The following FAM13A variants were observed in gnomAD, a reference collection of about 807,000 sequenced individuals.
FAM13A encodes the protein family with sequence similarity 13 member A.
Under a neutral mutation model 129.6 loss-of-function variants are expected in FAM13A, and 76 were observed. The observed-to-expected ratio is 0.59, with a 90% CI of 0.49 to 0.71. FAM13A has a LOEUF of 0.71. Among genes scored for constraint, FAM13A ranks in the 30% least tolerant of loss-of-function variants. The pLI is 0.00. For missense variants in FAM13A, 1,108 were observed against 1,249.3 expected (o/e 0.89, Z 1.70); for synonymous variants, 443 against 449.9 (o/e 0.98, Z 0.20).
intron 7 of FAM13A, among the ~76,000 whole-genome samples, chr4:88,836,485 C>T (rs1429520374): frequency 6.6e-6 from 1 of 152,116 alleles, no homozygotes; most frequent in African/African-American, 2.4e-5. Flanking sequence ...CTACTTTTTT[C>T]ACTCTGATTC....
In FAM13A at chr4:88,766,217, T is replaced by G. The variant is rs114550732; in HGVS notation, c.1578+1336A>C. 1.7e-3 allele frequency among the ~76,000 whole-genome samples: 253 copies of G among 152,300 alleles called. 2 individuals carry two copies. Among genetic ancestry groups the G allele is most frequent in the African/African-American group, 5.5e-3 (230 of 41,564 alleles). ...GTTAGATAGGAGAAGAGTAGGTGCT[T>G]GCTGTGAGCAGAGGAAGATGGCAGT... On this transcript the variant is annotated intron_variant, in intron 13 of 23. Coordinates refer to ENST00000264344, the MANE Select transcript of FAM13A (RefSeq NM_014883.4).
chr4:88,895,975 GT>G (rs1052294939), intron 6 of FAM13A, among the ~76,000 whole-genome samples: 3 of 148,210 alleles, frequency 2.0e-5, no homozygotes, highest in African/African-American at 7.5e-5. Flanking sequence ...GCACACGTAT[GT>G]TTATTGTGGC....
Position 88,749,781 on chromosome 4 carries a change from T to G in FAM13A, c.2069A>C (p.Lys690Thr), listed in dbSNP as rs780560361. 9 of 1,614,182 alleles carry G rather than the reference T, an allele frequency of 5.6e-6. No homozygotes were observed. The highest frequency in any genetic ancestry group is 7.6e-6 in the Non-Finnish European group (9 of 1,180,002). ...RKFEDRFEEE[K>T]KYRPSHSDKA... ...TGAGGGGACACTTACTCTGTACTTC[T>G]TCTCTTCTTCGAATCTATCTTCAAA... The change falls in exon 16 of 24, where the codon AAG (lysine) becomes ACG (threonine). Residue 690 changes from lysine (K) to threonine (T), a missense_variant. This residue lies in a region of FAM13A where 529 missense variants were observed against 621.2 expected (regional missense o/e 0.85). Transcript: ENST00000264344.
intron 14 of FAM13A, among the ~76,000 whole-genome samples, chr4:88,753,052 T>C (rs1053404605): frequency 2.6e-5 from 4 of 152,212 alleles, no homozygotes; most frequent in Non-Finnish European, 1.5e-5. Context: ...GCTGGTTAGT[T>C]TGACATTTCT....
intron 6 of FAM13A, among the ~76,000 whole-genome samples, chr4:88,881,711 T>G (rs1159641224): frequency 6.6e-6 from 1 of 152,028 alleles, no homozygotes; most frequent in Admixed American, 6.6e-5. Flanking sequence ...GAAGTCTAAC[T>G]TAATGAAACA....
chr4:88,910,767 A>G (rs913219490), intron 5 of FAM13A, among the ~76,000 whole-genome samples: 2 of 151,482 alleles, frequency 1.3e-5, no homozygotes, highest in South Asian at 4.2e-4. Flanking sequence ...CTCCTGCCTC[A>G]GCCTCCTGAG....
chr4:88,999,083 T>A (rs1179074169), intron 3 of FAM13A, among the ~76,000 whole-genome samples: 1 of 152,162 alleles, frequency 6.6e-6, no homozygotes, highest in Non-Finnish European at 1.5e-5. Flanking sequence ...AATTAGTCAA[T>A]ATTTACAGTG....
At chr4:88,945,191 A>G (rs1057329751) in intron 4 of FAM13A, among the ~76,000 whole-genome samples, 3 of 152,182 alleles carry the variant, frequency 2.0e-5, no homozygotes, top group African/African-American at 7.2e-5. Context: ...TCAACTGTAG[A>G]CTGAACTGGA....
At chr4:89,053,630 C>A (rs778244909) in intron 1 of FAM13A, among the ~76,000 whole-genome samples, 1 of 152,072 alleles carries the variant, frequency 6.6e-6, no homozygotes, top group Admixed American at 6.6e-5. Context: ...AGGCCTGGGG[C>A]ATTCTTGAAA....
chr4:88,944,530 G>T (rs1337489510), intron 4 of FAM13A, among the ~76,000 whole-genome samples: 1 of 152,170 alleles, frequency 6.6e-6, no homozygotes, highest in Non-Finnish European at 1.5e-5. Context: ...GCAGGCCCAG[G>T]AACCTCAAGA....
intron 7 of FAM13A, among the ~76,000 whole-genome samples, chr4:88,827,780 A>G (rs1733259513): frequency 6.6e-6 from 1 of 152,186 alleles, no homozygotes; most frequent in Non-Finnish European, 1.5e-5. Context: ...CCACCATAGC[A>G]CACATTCCAC....
At chr4:88,876,335 A>G (rs1396145469) in intron 6 of FAM13A, among the ~76,000 whole-genome samples, 1 of 152,192 alleles carries the variant, frequency 6.6e-6, no homozygotes, top group African/African-American at 2.4e-5. Flanking sequence ...CTTAAAAGCA[A>G]AAAGAAAAAA....
At chr4:88,913,976 C>T (rs1379773713) in intron 5 of FAM13A, among the ~76,000 whole-genome samples, 1 of 151,204 alleles carries the variant, frequency 6.6e-6, no homozygotes, top group East Asian at 1.9e-4. Flanking sequence ...GCACTCCAGC[C>T]TGGATGACAG....
chr4:88,947,985 A>G (rs1039146873), intron 4 of FAM13A, among the ~76,000 whole-genome samples: 1 of 152,160 alleles, frequency 6.6e-6, no homozygotes, highest in Admixed American at 6.5e-5. Flanking sequence ...GGGGCAAGGA[A>G]TGATTAGGGA....
At chr4:88,945,986 GTGTGTATATATATATATATATA>G (rs1160906370) in intron 4 of FAM13A, among the ~76,000 whole-genome samples, 2 of 21,846 alleles carry the variant, frequency 9.2e-5, no homozygotes, top group East Asian at 1.2e-3. Flanking sequence ...GTGTGTGTGT[GTGTGTATATATATATATATATA>G]TATATATATA....
chr4:89,052,012 G>A (rs779762216), intron 1 of FAM13A, among the ~76,000 whole-genome samples: 2 of 152,134 alleles, frequency 1.3e-5, no homozygotes, highest in Non-Finnish European at 2.9e-5. Context: ...CTGTGGCTCC[G>A]TGAAATGTTG....
chr4:88,837,058 G>A (rs1408851150), intron 7 of FAM13A, among the ~76,000 whole-genome samples: 1 of 151,498 alleles, frequency 6.6e-6, no homozygotes, highest in Non-Finnish European at 1.5e-5. Context: ...GCAATGGCAC[G>A]ATCTCCACTC....
chr4:89,048,217 A>G (rs1464926579), intron 1 of FAM13A, among the ~76,000 whole-genome samples: 1 of 152,216 alleles, frequency 6.6e-6, no homozygotes, highest in Non-Finnish European at 1.5e-5. Flanking sequence ...ATTGATAATA[A>G]TCAAAATCAG....
chr4:88,844,419 T>C (rs1736313243), intron 7 of FAM13A, among the ~76,000 whole-genome samples: 1 of 152,204 alleles, frequency 6.6e-6, no homozygotes, highest in African/African-American at 2.4e-5. Flanking sequence ...GAATCATGGG[T>C]TCTTCATCCA....
Sources: gnomAD v4.1 joint callset for allele counts (sites outside exome capture counted in the v4.1 genomes callset) on GRCh38, gnomAD v4.1.1 for gene constraint, gnomAD v4.1.1 regional missense constraint, MANE v1.5 for transcripts, NCBI Gene and HGNC (gene_info 2026-07-23, HGNC 2026-07-21) for gene names.